ARHGAP26: variants seen among roughly 807,000 people sequenced by gnomAD.
ARHGAP26 encodes the protein rho GTPase-activating protein 26.
A neutral mutation model predicts 104.8 loss-of-function variants in ARHGAP26; 38 were observed. The observed-to-expected ratio is 0.36, with a 90% confidence interval of 0.28 to 0.48. The LOEUF is 0.48. Among genes scored for constraint, ARHGAP26 ranks in the 20% least tolerant of loss-of-function variants. ARHGAP26 has a pLI of 0.99. For missense variants in ARHGAP26, 704 were observed against 947.9 expected, an observed-to-expected ratio of 0.74 and a Z score of 3.38; for synonymous variants, 341 against 340.0, an observed-to-expected ratio of 1.00 and a Z score of -0.03.
chr5:143,113,318 T>G (rs1216284735), intron 17 of ARHGAP26, among the ~76,000 whole-genome samples: 2 of 152,198 alleles, frequency 1.3e-5, no homozygotes, highest in African/African-American at 4.8e-5. Context: ...GAGCAGTACT[T>G]AACATCTCAG....
chr5:142,801,802 T>G (rs1309434517), intron 1 of ARHGAP26, among the ~76,000 whole-genome samples: 2 of 152,180 alleles, frequency 1.3e-5, no homozygotes, highest in East Asian at 3.9e-4. Context: ...CTTTTGTGGT[T>G]AGAGAAGCCC....
At chr5:143,136,622 G>T (rs3776288) in intron 19 of ARHGAP26, among the ~76,000 whole-genome samples, 19 of 152,190 alleles carry the variant, frequency 1.2e-4, no homozygotes, top group African/African-American at 2.4e-4. Flanking sequence ...GGCACCCTGT[G>T]GGGGGGCAGT....
chr5:143,214,647 G>A (rs747934552), intron 22 of ARHGAP26, among the ~76,000 whole-genome samples: 5 of 152,168 alleles, frequency 3.3e-5, no homozygotes, highest in Non-Finnish European at 7.3e-5. Context: ...CTGGGGACCA[G>A]CCCTTGACTG....
chr5:143,065,271 G>T (rs1787318319), intron 17 of ARHGAP26, among the ~76,000 whole-genome samples: 1 of 152,048 alleles, frequency 6.6e-6, no homozygotes, highest in African/African-American at 2.4e-5. Context: ...GCTGAGTGGT[G>T]GTGGATAAAT....
At chr5:143,127,505 C>T (rs930560067) in intron 18 of ARHGAP26, among the ~76,000 whole-genome samples, 31 of 152,142 alleles carry the variant, frequency 2.0e-4, no homozygotes, top group South Asian at 2.1e-4. Flanking sequence ...CCCCAAAGAT[C>T]GGTGCCCCTT....
intron 1 of ARHGAP26, among the ~76,000 whole-genome samples, chr5:142,808,681 G>A (rs1763503704): frequency 6.6e-6 from 1 of 152,060 alleles, no homozygotes; most frequent in Non-Finnish European, 1.5e-5. Context: ...GAGTGGAATG[G>A]GAGACCCCTC....
chr5:142,847,822 G>T (rs1399237313), intron 1 of ARHGAP26, among the ~76,000 whole-genome samples: 1 of 152,246 alleles, frequency 6.6e-6, no homozygotes, highest in African/African-American at 2.4e-5. Context: ...TGGAGGTTTG[G>T]CCCATCTGGA....
At chr5:142,976,762 G>A (rs1045722683) in intron 11 of ARHGAP26, among the ~76,000 whole-genome samples, 1 of 152,196 alleles carries the variant, frequency 6.6e-6, no homozygotes, top group Non-Finnish European at 1.5e-5. Context: ...TCTTAAAAGC[G>A]AGCATATCAA....
At chr5:142,940,918 T>C (rs1214632156) in intron 11 of ARHGAP26, among the ~76,000 whole-genome samples, 1 of 151,238 alleles carries the variant, frequency 6.6e-6, no homozygotes, top group Non-Finnish European at 1.5e-5. Context: ...CTGCTAAAGA[T>C]ACAAAAATTA....
At chr5:143,150,487 G>C (rs1272623739) in intron 20 of ARHGAP26, among the ~76,000 whole-genome samples, 1 of 152,150 alleles carries the variant, frequency 6.6e-6, no homozygotes, top group Non-Finnish European at 1.5e-5. Flanking sequence ...GTGTGAGGTG[G>C]GCATTAGGAA....
At chr5:143,011,302 G>A (rs929317145) in intron 11 of ARHGAP26, among the ~76,000 whole-genome samples, 5 of 28,130 alleles carry the variant, frequency 1.8e-4, no homozygotes, top group East Asian at 8.1e-4. Flanking sequence ...ATAAACCCCC[G>A]CTTTTTTTTT....
intron 17 of ARHGAP26, among the ~76,000 whole-genome samples, chr5:143,098,692 T>C (rs1465452166): frequency 6.6e-6 from 1 of 152,196 alleles, no homozygotes; most frequent in African/African-American, 2.4e-5. Flanking sequence ...CTTTCTTAGC[T>C]AGGTGACAAC....
At chr5:143,220,428 A>G (rs896099832) in intron 22 of ARHGAP26, among the ~76,000 whole-genome samples, 1 of 152,176 alleles carries the variant, frequency 6.6e-6, no homozygotes, top group Non-Finnish European at 1.5e-5. Context: ...TGCTTTATCC[A>G]CACCAGCTCC....
At chr5:143,138,685 C>T (rs770294349) in intron 19 of ARHGAP26, among the ~76,000 whole-genome samples, 2 of 152,130 alleles carry the variant, frequency 1.3e-5, no homozygotes, top group African/African-American at 2.4e-5. Flanking sequence ...ACCTGGAAGA[C>T]GTTTTCCCTA....
At chr5:143,043,158 A>G (rs566898080) in intron 14 of ARHGAP26, among the ~76,000 whole-genome samples, 5 of 152,358 alleles carry the variant, frequency 3.3e-5, no homozygotes, top group African/African-American at 9.6e-5. Context: ...CATCACTAAA[A>G]GGATTCCTTG....
At chr5:142,858,094 T>TGTGTGA (rs1424264346) in intron 1 of ARHGAP26, among the ~76,000 whole-genome samples, 3,095 of 127,116 alleles carry the variant, frequency 0.024, 81 homozygotes, top group African/African-American at 0.075. Context: ...TGTGTGTGTG[T>TGTGTGA]GAGAGAGAGA....
rs957254344 is a variant in ARHGAP26, at chr5:142,855,525, T to C, written c.155-17875T>C. On this transcript the variant is annotated intron_variant, in intron 1 of 22. Coordinates refer to ENST00000645722, the MANE Select transcript of ARHGAP26 (RefSeq NM_001135608.3). Reference sequence around the variant, plus strand: ...GCCCATCATTATTGACTGCCTGTTATGCACTAGGCCTATATCCATGCATCT... The same window carrying C: ...GCCCATCATTATTGACTGCCTGTTACGCACTAGGCCTATATCCATGCATCT... 3.9e-5 allele frequency among the ~76,000 whole-genome samples: 6 copies of C among 152,234 alleles called. No homozygotes were observed. The East Asian group carries it at 5.8e-4, about 15-fold the overall frequency.
At chr5:143,112,668 T>G (rs2150726070) in intron 17 of ARHGAP26, among the ~76,000 whole-genome samples, 1 of 152,302 alleles carries the variant, frequency 6.6e-6, no homozygotes, top group South Asian at 2.1e-4. Context: ...ACTCTGTGAA[T>G]TTGACTACTT....
intron 17 of ARHGAP26, among the ~76,000 whole-genome samples, chr5:143,064,649 T>C (rs1335233838): frequency 6.6e-6 from 1 of 152,126 alleles, no homozygotes; most frequent in Non-Finnish European, 1.5e-5. Flanking sequence ...ACAGACAACT[T>C]AGCACTTTAA....
Sources: allele counts gnomAD v4.1 joint callset (sites outside exome capture counted in the v4.1 genomes callset), GRCh38; gene constraint gnomAD v4.1.1; transcripts MANE v1.5; gene names NCBI Gene and HGNC (gene_info 2026-07-23, HGNC 2026-07-21).